The following ANTXR1 variants were observed in gnomAD, a reference collection of about 807,000 sequenced individuals.
ANTXR1 encodes ANTXR cell adhesion molecule 1, also known as anthrax toxin receptor 1.
Under a neutral mutation model 78.1 loss-of-function variants are expected in ANTXR1, and 19 were observed. The observed-to-expected ratio is 0.24, with a 90% CI of 0.17 to 0.36. The LOEUF is 0.36. Ranked by LOEUF, ANTXR1 falls within the 10% of genes least tolerant of loss-of-function variation. The pLI is 1.00. For synonymous variants in ANTXR1, 273 were observed against 260.5 expected (o/e 1.05, Z -0.46); for missense variants, 518 against 718.6 (o/e 0.72, Z 3.19).
In ANTXR1 at chr2:69,071,675, C is replaced by G; in HGVS notation, c.379-79C>G. 4.2e-6 allele frequency: 6 copies of G among 1,414,734 alleles called. No individual in the cohort carries two copies. The East Asian group carries it at 1.4e-4, about 32-fold the overall frequency. 87.6% of individuals were successfully genotyped at this position (1,414,734 alleles called of 1,614,324 possible). A position where few individuals can be genotyped will look rare whatever the true frequency, so the allele number is the denominator to read the frequency against. Reference sequence around the variant, plus strand: ...ACTGAATTGGCTGCATATTCAACAACAGAGCCCATTATCCACTATGGTTTT... The same window carrying G: ...ACTGAATTGGCTGCATATTCAACAAGAGAGCCCATTATCCACTATGGTTTT... On this transcript the variant is annotated intron_variant, in intron 4 of 17. Transcript: ENST00000303714.
At position 69,232,038 on chromosome 2, in the gene ANTXR1, C is replaced by T. The variant is rs940723383; in HGVS notation, c.1435-13187C>T. ...TTTGGGATGGAAGATTTTCCTTCTG[C>T]CCAGAGAGCCCTGAAAGAGCACCCT... On this transcript the variant is annotated intron_variant, in intron 17 of 17. Coordinates refer to ENST00000303714, the MANE Select transcript of ANTXR1 (RefSeq NM_032208.3). 2.0e-5 allele frequency among the ~76,000 whole-genome samples: 3 copies of T among 152,134 alleles called. 1 individual carries two copies. Among genetic ancestry groups the T allele is most frequent in the African/African-American group, 7.2e-5 (3 of 41,410 alleles).
intron 12 of ANTXR1, among the ~76,000 whole-genome samples, chr2:69,149,844 G>A (rs978006903): frequency 5.3e-5 from 8 of 152,234 alleles, no homozygotes; most frequent in African/African-American, 1.9e-4. Flanking sequence ...CCAGCCCTAA[G>A]TTTGGAGAAA....
At chr2:69,181,108 G>A (rs907813811) in intron 14 of ANTXR1, among the ~76,000 whole-genome samples, 7 of 152,218 alleles carry the variant, frequency 4.6e-5, no homozygotes, top group African/African-American at 1.4e-4. Context: ...TTACTCTGCT[G>A]CTTTGTGGAG....
intron 3 of ANTXR1, among the ~76,000 whole-genome samples, chr2:69,045,959 T>G (rs1669755491): frequency 6.6e-6 from 1 of 152,162 alleles, no homozygotes; most frequent in Admixed American, 6.5e-5. Flanking sequence ...CCTTGCTGCC[T>G]TCTGTTCAAC....
intron 3 of ANTXR1, among the ~76,000 whole-genome samples, chr2:69,058,555 C>T (rs1670136112): frequency 6.6e-6 from 1 of 151,876 alleles, no homozygotes; most frequent in Non-Finnish European, 1.5e-5. Flanking sequence ...TCATTCTTTT[C>T]AAAATATTAC....
chr2:69,201,672 G>C (rs1447880358), intron 17 of ANTXR1, among the ~76,000 whole-genome samples: 1 of 152,172 alleles, frequency 6.6e-6, no homozygotes, highest in Non-Finnish European at 1.5e-5. Flanking sequence ...CACAGATTTG[G>C]TAACTGCCTG....
intron 17 of ANTXR1, among the ~76,000 whole-genome samples, chr2:69,219,563 T>C (rs1228278833): frequency 2.0e-5 from 3 of 152,228 alleles, no homozygotes; most frequent in Non-Finnish European, 4.4e-5. Context: ...TGAGTTGTAT[T>C]GAGTCCTTCA....
At chr2:69,172,519 C>T in intron 14 of ANTXR1, 5 of 1,431,458 alleles carry the variant, frequency 3.5e-6, no homozygotes, top group Middle Eastern at 5.1e-4. Flanking sequence ...TATTCAAATC[C>T]CAGTGTCTAA....
At chr2:69,228,082 C>T (rs1675502336) in intron 17 of ANTXR1, among the ~76,000 whole-genome samples, 2 of 152,092 alleles carry the variant, frequency 1.3e-5, no homozygotes, top group Non-Finnish European at 1.5e-5. Flanking sequence ...AAAGATAGAG[C>T]CTATTAAGAA....
At chr2:69,207,342 AC>A (rs1674929576) in intron 17 of ANTXR1, among the ~76,000 whole-genome samples, 1 of 152,130 alleles carries the variant, frequency 6.6e-6, no homozygotes, top group African/African-American at 2.4e-5. Flanking sequence ...GCTTTGTAAA[AC>A]CATGGCACAA....
chr2:69,197,849 G>A (rs1158584714), intron 17 of ANTXR1, among the ~76,000 whole-genome samples: 1 of 152,230 alleles, frequency 6.6e-6, no homozygotes, highest in Non-Finnish European at 1.5e-5. Flanking sequence ...AACGCTTCAA[G>A]GGGTCATGAG....
chr2:69,043,956 C>T (rs1378351705), intron 2 of ANTXR1, among the ~76,000 whole-genome samples: 2 of 152,120 alleles, frequency 1.3e-5, no homozygotes, highest in African/African-American at 4.8e-5. Context: ...TAGATTGATG[C>T]TATGACGGAA....
chr2:69,182,268 G>C (rs766411147), intron 15 of ANTXR1, among the ~76,000 whole-genome samples: 1 of 152,136 alleles, frequency 6.6e-6, no homozygotes, highest in South Asian at 2.1e-4. Context: ...CCCGCTGCCT[G>C]GACAATTCCT....
chr2:69,182,102 T>G, intron 15 of ANTXR1: 1 of 583,594 alleles, frequency 1.7e-6, no homozygotes, highest in East Asian at 3.0e-5. Context: ...GATGGAGAGA[T>G]AGGAGGGACA....
chr2:69,248,427 GA>G lies in ANTXR1; in HGVS notation c.*2943del, dbSNP rs1190348622. The G allele has an allele frequency of 6.5e-6, 1 of 154,716 alleles. No individual in the cohort carries two copies. The highest frequency in any genetic ancestry group is 1.5e-5 in the Non-Finnish European group (1 of 68,068). The allele number at this position is 154,716 out of a possible 1,614,324, so 9.6% of individuals were successfully genotyped here. On this transcript the variant is annotated 3_prime_UTR_variant, in exon 18 of 18. Transcript: ENST00000303714. ...TAAATGTACAAATAGTTACTGAAAT[GA>G]CGAGACCCTTGTTTGCACAGCATTA...
chr2:69,236,971 C>T (rs1245836281), intron 17 of ANTXR1, among the ~76,000 whole-genome samples: 1 of 152,124 alleles, frequency 6.6e-6, no homozygotes, highest in African/African-American at 2.4e-5. Context: ...TTCCCTTCTC[C>T]CTTCCTTTTT....
intron 1 of ANTXR1, among the ~76,000 whole-genome samples, chr2:69,039,787 T>G (rs547705817): frequency 6.6e-6 from 1 of 152,138 alleles, no homozygotes; most frequent in Non-Finnish European, 1.5e-5. Flanking sequence ...TTGCTGTTGT[T>G]GTTTTTCAGG....
intron 3 of ANTXR1, among the ~76,000 whole-genome samples, chr2:69,061,575 C>T (rs1670247558): frequency 6.6e-6 from 1 of 150,916 alleles, no homozygotes. Context: ...TCCAACAAGG[C>T]TTTTAGTCTC....
chr2:69,085,301 G>A (rs1374957438), intron 8 of ANTXR1, among the ~76,000 whole-genome samples: 2 of 152,072 alleles, frequency 1.3e-5, no homozygotes, highest in East Asian at 1.9e-4. Context: ...TTTACAAAGC[G>A]GCCGACCTAA....
Sources: allele counts gnomAD v4.1 joint callset (sites outside exome capture counted in the v4.1 genomes callset), GRCh38; gene constraint gnomAD v4.1.1; transcripts MANE v1.5; gene names NCBI Gene and HGNC (gene_info 2026-07-23, HGNC 2026-07-21).